The following TMEM266 variants were observed in gnomAD, a reference collection of about 807,000 sequenced individuals.
TMEM266 encodes Hv1 related protein 1.
A neutral mutation model predicts 50.5 loss-of-function variants in TMEM266; 33 were observed. The ratio of observed to expected loss-of-function variants is 0.65; its 90% CI spans 0.50 to 0.87. The LOEUF (loss-of-function observed/expected upper bound fraction) is 0.87, where lower values mean the gene tolerates loss of function less well. Ranked by LOEUF, TMEM266 falls within the 40% of genes least tolerant of loss-of-function variation. The pLI, the probability that TMEM266 is intolerant of heterozygous loss-of-function variation, is 0.00. For synonymous variants in TMEM266, 310 were observed against 292.3 expected, an observed-to-expected ratio of 1.06 and a Z score of -0.62; for missense variants, 655 against 695.1, an observed-to-expected ratio of 0.94 and a Z score of 0.65.
intron 1 of TMEM266, among the ~76,000 whole-genome samples, chr15:76,084,558 T>A (rs890931235): frequency 6.6e-6 from 1 of 152,046 alleles, no homozygotes; most frequent in African/African-American, 2.4e-5. Flanking sequence ...TCTGGTGAAA[T>A]TTGGACATAT....
chr15:76,148,190 G>A (rs182516680), intron 3 of TMEM266, among the ~76,000 whole-genome samples: 1 of 152,282 alleles, frequency 6.6e-6, no homozygotes, highest in East Asian at 1.9e-4. Flanking sequence ...GGCCACGTCC[G>A]GCAAGGAAAG....
intron 1 of TMEM266, among the ~76,000 whole-genome samples, chr15:76,087,738 G>A (rs1471760865): frequency 1.3e-5 from 2 of 152,168 alleles, no homozygotes; most frequent in East Asian, 3.8e-4. Flanking sequence ...AATCCTGGGA[G>A]ACCTTAAAAT....
At chr15:76,173,018 G>T (rs374518983) in intron 7 of TMEM266, among the ~76,000 whole-genome samples, 1 of 152,124 alleles carries the variant, frequency 6.6e-6, no homozygotes, top group African/African-American at 2.4e-5. Flanking sequence ...CGGAGCTACC[G>T]GGAGCCTCAG....
Position 76,161,411 on chromosome 15 carries a change from A to G in TMEM266, c.456+1243A>G, listed in dbSNP as rs1188625238. ...ACTGAGGTGGGGAACCCCGGGAGTC[A>G]GGAGTCCCAGCATCCTCCTGTGTGT... On this transcript the variant is annotated intron_variant, in intron 5 of 10. Transcript: ENST00000388942. This position sits in a 1 kb window ranked among gnomAD's most constrained non-coding sequence, Gnocchi z 4.1. 6.6e-6 allele frequency among the ~76,000 whole-genome samples: 1 copy of G among 152,006 alleles called. No individual in the cohort carries two copies. Among genetic ancestry groups the G allele is most frequent in the East Asian group, 1.9e-4 (1 of 5,162 alleles).
intron 8 of TMEM266, chr15:76,191,720 T>G: frequency 4.5e-6 from 2 of 445,490 alleles, no homozygotes; most frequent in Non-Finnish European, 4.0e-6. Context: ...CGGGCATCCG[T>G]GAGATGGGGG....
chr15:76,114,985 T>C (rs1244316620), intron 1 of TMEM266, among the ~76,000 whole-genome samples: 2 of 152,190 alleles, frequency 1.3e-5, no homozygotes. Flanking sequence ...AAATATCCCT[T>C]GTTGGCCAGG....
At chr15:76,180,349 G>A (rs956720046) in intron 8 of TMEM266, among the ~76,000 whole-genome samples, 1 of 152,148 alleles carries the variant, frequency 6.6e-6, no homozygotes, top group Non-Finnish European at 1.5e-5. Context: ...AAGGGTTTTG[G>A]GGAGCACTGG....
chr15:76,191,957 TC>T lies in TMEM266; in HGVS notation c.769-8del. ...CGCCGCTGATTCAGCCTTGCCCGTC[TC>T]CCTCCGCAGTTTGAGATCCGGCAGC... On this transcript the variant is annotated splice_polypyrimidine_tract_variant and intron_variant, in intron 8 of 10. Coordinates refer to ENST00000388942, the MANE Select transcript of TMEM266 (RefSeq NM_152335.3). 1 of 1,575,012 alleles carries T rather than the reference TC, an allele frequency of 6.3e-7. No individual in the cohort carries two copies.
intron 1 of TMEM266, among the ~76,000 whole-genome samples, chr15:76,078,946 A>G (rs568876968): frequency 1.4e-4 from 22 of 152,364 alleles, no homozygotes; most frequent in Middle Eastern, 3.4e-3. Flanking sequence ...CTGCGGCAGC[A>G]TAAATCCAAT....
intron 8 of TMEM266, among the ~76,000 whole-genome samples, chr15:76,191,121 T>G (rs950210903): frequency 1.8e-4 from 28 of 152,210 alleles, no homozygotes; most frequent in African/African-American, 6.5e-4. Context: ...AAAACAAAAT[T>G]AAAATGTGTG....
At chr15:76,198,501 T>TC (rs2038690136) in intron 9 of TMEM266, among the ~76,000 whole-genome samples, 1 of 152,112 alleles carries the variant, frequency 6.6e-6, no homozygotes, top group Non-Finnish European at 1.5e-5. Flanking sequence ...CGCTCCCAGA[T>TC]CCCCCAGTCT....
In TMEM266 at chr15:76,160,922, C is replaced by G. The variant is rs2038009342; in HGVS notation, c.456+754C>G. Reference sequence around the variant, plus strand: ...TCTGTTTTTTCATGGCGGTGAGTGACACTTCCTTTGAGCAGTTCCCAGGCT... The same window carrying G: ...TCTGTTTTTTCATGGCGGTGAGTGAGACTTCCTTTGAGCAGTTCCCAGGCT... On this transcript the variant is annotated intron_variant, in intron 5 of 10. Coordinates refer to ENST00000388942, the MANE Select transcript of TMEM266 (RefSeq NM_152335.3). The surrounding 1 kb of genome is among the most constrained non-coding windows in gnomAD (Gnocchi z 5.7). Among the ~76,000 whole-genome samples the G allele has an allele frequency of 6.6e-6, 1 of 152,152 alleles. No individual in the cohort carries two copies. Among genetic ancestry groups the G allele is most frequent in the African/African-American group, 2.4e-5 (1 of 41,422 alleles).
intron 1 of TMEM266, among the ~76,000 whole-genome samples, chr15:76,115,641 C>T (rs1299750900): frequency 6.6e-5 from 10 of 152,200 alleles, no homozygotes; most frequent in East Asian, 5.8e-4. Flanking sequence ...ACTGTGTCCC[C>T]GGGATTCCCC....
intron 4 of TMEM266, 121 bp downstream of exon 4, chr15:76,156,879 A>G: frequency 9.4e-7 from 1 of 1,060,038 alleles, no homozygotes; most frequent in Non-Finnish European, 1.4e-6. Context: ...GCTGCTGCCC[A>G]GCCTCAGGCC....
At chr15:76,137,992 C>T (rs941813128) in intron 3 of TMEM266, 97 bp downstream of exon 3, 123 of 1,250,206 alleles carry the variant, frequency 9.8e-5, no homozygotes, top group Non-Finnish European at 1.2e-4. Context: ...GAGGCAGAGG[C>T]GGGCAGATCA....
At chr15:76,060,195 GGGCAGCC>G (rs1162684839) in intron 1 of TMEM266, among the ~76,000 whole-genome samples, 179 bp downstream of exon 1, 2 of 151,972 alleles carry the variant, frequency 1.3e-5, no homozygotes, top group East Asian at 3.9e-4. Context: ...AGGGTGCGTG[GGGCAGCC>G]CAGGGCTTCA....
chr15:76,160,052 A>C lies in TMEM266; in HGVS notation c.383-43A>C. The C allele has an allele frequency of 6.3e-7, 1 of 1,589,172 alleles. No homozygotes were observed. The highest frequency in any genetic ancestry group is 8.6e-7 in the Non-Finnish European group (1 of 1,157,626). ...GCGAAGCCCCCATAGCAACGCACCT[A>C]ATTCCTCACTCCTAAAATTGGTCCT... On this transcript the variant is annotated intron_variant, in intron 4 of 10. Transcript: ENST00000388942. The surrounding 1 kb of genome is among the most constrained non-coding windows in gnomAD (Gnocchi z 5.7).
chr15:76,184,584 ATGG>A (rs1596161974), intron 8 of TMEM266, among the ~76,000 whole-genome samples: 1 of 152,376 alleles, frequency 6.6e-6, no homozygotes, highest in East Asian at 1.9e-4. Context: ...CACTAATAGG[ATGG>A]AGCAGAATTA....
rs892386917 is a variant in TMEM266 at position 76,100,573 on chromosome 15, C to T, written c.-96-33595C>T. Among the ~76,000 whole-genome samples, 10 of 152,294 alleles carry T rather than the reference C, an allele frequency of 6.6e-5. No individual in the cohort carries two copies. In the East Asian group the frequency reaches 7.7e-4, roughly 12 times the overall value. On this transcript the variant is annotated intron_variant, in intron 1 of 10. Coordinates refer to ENST00000388942, the MANE Select transcript of TMEM266 (RefSeq NM_152335.3). Reference sequence around the variant, plus strand: ...AGCCTTGGTGCCATGCCCTGCCTATCGTAGGTGTTTGGTCAATGTTGAATG... The same window carrying T: ...AGCCTTGGTGCCATGCCCTGCCTATTGTAGGTGTTTGGTCAATGTTGAATG...
Sources: allele counts gnomAD v4.1 joint callset (sites outside exome capture counted in the v4.1 genomes callset), GRCh38; gene constraint gnomAD v4.1.1; non-coding constraint Gnocchi (gnomAD v3.1); transcripts MANE v1.5; gene names NCBI Gene and HGNC (gene_info 2026-07-23, HGNC 2026-07-21).